The following MRGPRX2 variants were observed in gnomAD, a reference collection of about 807,000 sequenced individuals.
MRGPRX2 encodes the protein mas-related G protein-coupled receptor member X2.
For synonymous variants in MRGPRX2, 183 were observed against 175.6 expected (o/e 1.04, Z -0.33); for missense variants, 389 against 404.5 (o/e 0.96, Z 0.33).
At position 19,056,169 on chromosome 11, in the gene MRGPRX2, G is replaced by A. The variant is rs771658187; in HGVS notation, c.234C>T (p.Phe78=). The change falls in exon 2 of 2, where the codon TTC becomes TTT. Residue 78 remains phenylalanine (F), a synonymous_variant. Coordinates refer to ENST00000329773, the MANE Select transcript of MRGPRX2 (RefSeq NM_054030.4). ...GGCAATTTATAATCTGGAAGCAGAG[G>A]AAGAGGAAGTCGGCCCCGGCCAGGC... ...VLSLAGADFL[F]LCFQIINCLV... The A allele has an allele frequency of 1.9e-6, 3 of 1,614,234 alleles. No individual in the cohort carries two copies. The highest frequency in any genetic ancestry group is 2.5e-6 in the Non-Finnish European group (3 of 1,180,032).
In MRGPRX2 at chr11:19,056,345, G is replaced by A; in HGVS notation, c.58C>T (p.Gln20Ter). 6.2e-7 allele frequency: 1 copy of A among 1,614,162 alleles called. No homozygotes were observed. The change falls in exon 2 of 2, where the codon CAA becomes TAA. Residue 20 changes from glutamine to a stop codon, truncating the protein, a stop_gained. Coordinates refer to ENST00000329773, the MANE Select transcript of MRGPRX2 (RefSeq NM_054030.4). LOFTEE classifies it low-confidence loss of function (END_TRUNC). ...TTGCCACAAAGCAGAAGAAGGGCTT[G>A]GTCATTTCCATTCACTGTTGTACTT... Reference protein sequence around the residue: ...TESTTVNGNDQALLLLCGKET... With the variant: ...TESTTVNGND
chr11:19,055,509 C>A lies in MRGPRX2; in HGVS notation c.894G>T (p.Leu298=). ...QWRLQQPILK[L]ALQRALQDIA... is the part of the protein sequence containing the mutation. ...TGTCCTGCAGAGCCCTCTGGAGAGC[C>A]AGCTTGAGGATCGGCTGCTGCAGCC... Residue 298 remains leucine (L), a synonymous_variant, in exon 2 of 2, where the codon CTG becomes CTT. Coordinates refer to ENST00000329773, the MANE Select transcript of MRGPRX2 (RefSeq NM_054030.4). 6.2e-7 allele frequency: 1 copy of A among 1,614,146 alleles called. No individual in the cohort carries two copies. Among genetic ancestry groups the A allele is most frequent in the Non-Finnish European group, 8.5e-7 (1 of 1,180,026 alleles).
chr11:19,060,086 A>C (rs1225925451), intron 1 of MRGPRX2, among the ~76,000 whole-genome samples: 1 of 152,074 alleles, frequency 6.6e-6, no homozygotes, highest in Admixed American at 6.5e-5. Context: ...CTTTCTCCTT[A>C]TCACTTCAGA....
Position 19,055,450 on chromosome 11 carries a change from C to G in MRGPRX2, c.953G>C (p.Arg318Pro), listed in dbSNP as rs771449937. Residue 318 changes from arginine (R) to proline (P), a missense_variant, in exon 2 of 2, where the codon CGT becomes CCT. Physicochemically the swap from Arg to Pro is moderately radical, Grantham distance 103. Transcript: ENST00000329773. ...TCTCGACATCTCCGGGGTGCCCTGA[C>G]GGAAGCATCCTTCACTGTGATCCAC... ...AEVDHSEGCF[R>P]QGTPEMSRSS... The G allele has an allele frequency of 6.2e-7, 1 of 1,610,890 alleles. No individual in the cohort carries two copies. The highest frequency in any genetic ancestry group is 8.5e-7 in the Non-Finnish European group (1 of 1,177,182).
chr11:19,058,166 G>A (rs1849635357), intron 1 of MRGPRX2, among the ~76,000 whole-genome samples: 1 of 152,170 alleles, frequency 6.6e-6, no homozygotes, highest in African/African-American at 2.4e-5. Context: ...GCTCTTTCTT[G>A]CTTCAGAAAA....
intron 1 of MRGPRX2, among the ~76,000 whole-genome samples, chr11:19,057,163 G>A (rs1849627443): frequency 6.6e-6 from 1 of 152,094 alleles, no homozygotes; most frequent in African/African-American, 2.4e-5. Flanking sequence ...GGGCTAAGTG[G>A]AACACCAACA....
intron 1 of MRGPRX2, among the ~76,000 whole-genome samples, chr11:19,057,749 T>TG (rs1335621728): frequency 1.3e-5 from 2 of 152,216 alleles, no homozygotes; most frequent in Non-Finnish European, 1.5e-5. Flanking sequence ...GGCTGAATGC[T>TG]CTTCAGGTAT....
chr11:19,055,406 A>G lies in MRGPRX2; in HGVS notation c.*4T>C, dbSNP rs1348873445. ...TATCTGATGGAAGTAGAGGCTGTCCATCTCTACACCAGACTGCTTCTCGAC... is the reference window on the plus strand; with the variant it reads ...TATCTGATGGAAGTAGAGGCTGTCCGTCTCTACACCAGACTGCTTCTCGAC... On this transcript the variant is annotated 3_prime_UTR_variant, in exon 2 of 2. Coordinates refer to ENST00000329773, the MANE Select transcript of MRGPRX2 (RefSeq NM_054030.4). 1.1e-5 allele frequency: 17 copies of G among 1,593,884 alleles called. No homozygotes were observed. Among genetic ancestry groups the G allele is most frequent in the Non-Finnish European group, 1.3e-5 (15 of 1,165,032 alleles).
Position 19,056,291 on chromosome 11 carries a change from G to C in MRGPRX2, c.112C>G (p.Leu38Val), listed in dbSNP as rs374097959. 1.2e-6 allele frequency: 2 copies of C among 1,614,226 alleles called. No homozygotes were observed. The highest frequency in any genetic ancestry group is 2.7e-5 in the African/African-American group (2 of 75,062). Reference sequence around the variant, plus strand: ...ACCAGCCCGACCAGGGCAATGAAAAGGATCAGGAAGACCGGGATCAGGGTC... The same window carrying C: ...ACCAGCCCGACCAGGGCAATGAAAACGATCAGGAAGACCGGGATCAGGGTC... The part of the protein sequence containing the change: ...KETLIPVFLI[L>V]FIALVGLVGN... The change falls in exon 2 of 2, where the codon CTT becomes GTT. Residue 38 changes from leucine (L) to valine (V), a missense_variant. Physicochemically the swap from Leu to Val is conservative, Grantham distance 32 (BLOSUM62 1). Transcript: ENST00000329773.
At position 19,056,186 on chromosome 11, in the gene MRGPRX2, C is replaced by T; in HGVS notation, c.217G>A (p.Gly73Arg). 1.2e-6 allele frequency: 2 copies of T among 1,614,154 alleles called. No homozygotes were observed. The highest frequency in any genetic ancestry group is 1.7e-6 in the Non-Finnish European group (2 of 1,179,986). ...AAGCAGAGGAAGAGGAAGTCGGCCCCGGCCAGGCTGAGGACGTAGACAGAG... is the reference window on the plus strand; with the variant it reads ...AAGCAGAGGAAGAGGAAGTCGGCCCTGGCCAGGCTGAGGACGTAGACAGAG... Reference protein sequence around the residue: ...AFSVYVLSLAGADFLFLCFQI... With the variant: ...AFSVYVLSLARADFLFLCFQI... Residue 73 changes from glycine (G) to arginine (R), a missense_variant, in exon 2 of 2, where the codon GGG becomes AGG. By Grantham distance (125) the Gly-to-Arg change is moderately radical (BLOSUM62 -2). Transcript: ENST00000329773.
In MRGPRX2 at chr11:19,056,194, C is replaced by T. The variant is rs778815794; in HGVS notation, c.209G>A (p.Ser70Asn). 1 of 1,614,160 alleles carries T rather than the reference C, an allele frequency of 6.2e-7. No homozygotes were observed. Among genetic ancestry groups the T allele is most frequent in the East Asian group, 2.2e-5 (1 of 44,880 alleles). The change falls in exon 2 of 2, where the codon AGC (serine) becomes AAC (asparagine). Residue 70 changes from serine (S) to asparagine (N), a missense_variant. Physicochemically the swap from Ser to Asn is conservative, Grantham distance 46. Coordinates refer to ENST00000329773, the MANE Select transcript of MRGPRX2 (RefSeq NM_054030.4). ...GAAGAGGAAGTCGGCCCCGGCCAGG[C>T]TGAGGACGTAGACAGAGAAGGCGTT... ...RRNAFSVYVLSLAGADFLFLC... is the reference protein window; with the variant it reads ...RRNAFSVYVLNLAGADFLFLC...
In MRGPRX2 at chr11:19,055,988, A is replaced by G; in HGVS notation, c.415T>C (p.Cys139Arg). Residue 139 changes from cysteine (C) to arginine (R), a missense_variant, in exon 2 of 2, where the codon TGC becomes CGC. Transcript: ENST00000329773. ...GCTGACAGGTGTCTGGGGCGGCGGC[A>G]GCGATACCAGATGGGCCACAGGACG... ...LSVLWPIWYR[C>R]RRPRHLSAVV... is the part of the protein sequence containing the mutation. 1 of 1,614,232 alleles carries G rather than the reference A, an allele frequency of 6.2e-7. No individual in the cohort carries two copies. The highest frequency in any genetic ancestry group is 1.1e-5 in the South Asian group (1 of 91,084).
Position 19,055,233 on chromosome 11 carries a change from G to T in MRGPRX2, c.*177C>A. ...GTGGTGGAAGCCTGTGAGTAAGGCA[G>T]TTCCAGAGACACTGCACTTAGTGTT... On this transcript the variant is annotated 3_prime_UTR_variant, in exon 2 of 2. Coordinates refer to ENST00000329773, the MANE Select transcript of MRGPRX2 (RefSeq NM_054030.4). The T allele has an allele frequency of 1.5e-6, 1 of 650,206 alleles. No homozygotes were observed. The highest frequency in any genetic ancestry group is 2.6e-6 in the Non-Finnish European group (1 of 390,584). 40.3% of individuals were successfully genotyped at this position (650,206 alleles called of 1,614,324 possible).
chr11:19,056,686 A>G (rs1360301731), intron 1 of MRGPRX2, among the ~76,000 whole-genome samples: 1 of 152,082 alleles, frequency 6.6e-6, no homozygotes, highest in East Asian at 1.9e-4. Flanking sequence ...AAACACCCCC[A>G]CTCACTGTCA....
Position 19,055,931 on chromosome 11 carries a change from G to C in MRGPRX2, c.472C>G (p.Leu158Val). 1 of 1,614,228 alleles carries C rather than the reference G, an allele frequency of 6.2e-7. No individual in the cohort carries two copies. ...TTCCCTTCCAAGATGCTCAGCAGTA[G>C]GGACAGGGCCCAGAGCAGGACACAC... is the stretch of plus-strand genomic sequence containing the variant. Reference protein sequence around the residue: ...VVCVLLWALSLLLSILEGKFC... With the variant: ...VVCVLLWALSVLLSILEGKFC... Residue 158 changes from leucine to valine, a missense_variant, in exon 2 of 2, where the codon CTA becomes GTA. Leu to Val is a conservative substitution (Grantham distance 32, BLOSUM62 1). Coordinates refer to ENST00000329773, the MANE Select transcript of MRGPRX2 (RefSeq NM_054030.4).
At chr11:19,057,692 C>T (rs1320123663) in intron 1 of MRGPRX2, among the ~76,000 whole-genome samples, 1 of 152,222 alleles carries the variant, frequency 6.6e-6, no homozygotes, top group Admixed American at 6.5e-5. Flanking sequence ...ATGCAAATTA[C>T]ACTTGGGAAG....
At chr11:19,060,027 T>C (rs2133317891) in intron 1 of MRGPRX2, among the ~76,000 whole-genome samples, 1 of 131,208 alleles carries the variant, frequency 7.6e-6, no homozygotes, top group East Asian at 2.1e-4. Flanking sequence ...ACAGCTATAG[T>C]TACAGTTACA....
chr11:19,056,193 G>A lies in MRGPRX2; in HGVS notation c.210C>T (p.Ser70=), dbSNP rs757306575. 96 of 1,614,034 alleles carry A rather than the reference G, an allele frequency of 5.9e-5. No individual in the cohort carries two copies. Among genetic ancestry groups the A allele is most frequent in the Admixed American group, 1.0e-4 (6 of 59,988 alleles). The change falls in exon 2 of 2, where the codon AGC becomes AGT. Residue 70 remains serine (S), a synonymous_variant. Transcript: ENST00000329773. ...GGAAGAGGAAGTCGGCCCCGGCCAG[G>A]CTGAGGACGTAGACAGAGAAGGCGT... ...RRNAFSVYVL[S]LAGADFLFLC...
chr11:19,059,791 T>C (rs1269725328), intron 1 of MRGPRX2, among the ~76,000 whole-genome samples: 1 of 152,220 alleles, frequency 6.6e-6, no homozygotes, highest in Non-Finnish European at 1.5e-5. Flanking sequence ...TGTCTGTGCC[T>C]CGTCAATGGG....
Sources: gnomAD v4.1 joint callset for allele counts (sites outside exome capture counted in the v4.1 genomes callset) on GRCh38, gnomAD v4.1.1 for gene constraint, MANE v1.5 for transcripts, NCBI Gene and HGNC (gene_info 2026-07-23, HGNC 2026-07-21) for gene names.